TNFAIP2: variants seen among roughly 807,000 people sequenced by gnomAD.
TNFAIP2 encodes TNF alpha induced protein 2.
Under a neutral mutation model 63.5 loss-of-function variants are expected in TNFAIP2, and 47 were observed. The ratio of observed to expected loss-of-function variants is 0.74; its 90% CI spans 0.59 to 0.94. The LOEUF (loss-of-function observed/expected upper bound fraction) is 0.94, where lower values mean the gene tolerates loss of function less well. Ranked by LOEUF, TNFAIP2 falls within the 40% of genes least tolerant of loss-of-function variation. The pLI, the probability that TNFAIP2 is intolerant of heterozygous loss-of-function variation, is 0.00. For synonymous variants in TNFAIP2, 405 were observed against 390.2 expected (o/e 1.04, Z -0.45); for missense variants, 787 against 850.2 (o/e 0.93, Z 0.92).
chr14:103,133,515 C>T lies in TNFAIP2; in HGVS notation c.1699C>T (p.His567Tyr), dbSNP rs745552776. 1 of 1,613,162 alleles carries T rather than the reference C, an allele frequency of 6.2e-7. No individual in the cohort carries two copies. ...CACCATCCAGCACTTCTGCACCCAG[C>T]ACGTAAGCCGCTGCCCACCTCTCCC... ...ADTIQHFCTQ[H>Y]GSPATWLQPA... The change falls in exon 10 of 12, where the codon CAC becomes TAC. Residue 567 changes from histidine to tyrosine, a missense_variant and splice_region_variant. Coordinates refer to ENST00000560869, the MANE Select transcript of TNFAIP2 (RefSeq NM_006291.4).
chr14:103,133,376 C>A lies in TNFAIP2; in HGVS notation c.1560C>A (p.Ala520=). ...TGCCCTCCCAGGAGCTCATGGAGGC[C>A]TTGCACCTGCACCTGGTGAAGGAGT... is the stretch of plus-strand genomic sequence containing the variant. The part of the protein sequence containing the change: ...QGCFREELME[A]LHLHLVKEYI... Residue 520 remains alanine (A), a synonymous_variant, in exon 10 of 12, where the codon GCC becomes GCA. Transcript: ENST00000560869. The A allele has an allele frequency of 6.2e-7, 1 of 1,613,636 alleles. No individual in the cohort carries two copies. The highest frequency in any genetic ancestry group is 8.5e-7 in the Non-Finnish European group (1 of 1,179,972).
chr14:103,131,293 C>A lies in TNFAIP2; in HGVS notation c.1298+143C>A. The A allele has an allele frequency of 1.2e-6, 1 of 822,774 alleles. No individual in the cohort carries two copies. The allele number at this position is 822,774 out of a possible 1,614,324, so 51.0% of individuals were successfully genotyped here. A position where few individuals can be genotyped will look rare whatever the true frequency, so the allele number is the denominator to read the frequency against. Reference sequence around the variant, plus strand: ...ACATGTGTGAGGACTCCACGGCCTGCAGCAGCAGCAGCAAACATTTCCCAA... The same window carrying A: ...ACATGTGTGAGGACTCCACGGCCTGAAGCAGCAGCAGCAAACATTTCCCAA... On this transcript the variant is annotated intron_variant, in intron 7 of 11. Coordinates refer to ENST00000560869, the MANE Select transcript of TNFAIP2 (RefSeq NM_006291.4). This position sits in a 1 kb window ranked among gnomAD's most constrained non-coding sequence, Gnocchi z 4.0.
chr14:103,126,486 T>G lies in TNFAIP2; in HGVS notation c.29T>G (p.Val10Gly). Residue 10 changes from valine to glycine, a missense_variant, in exon 2 of 12, where the codon GTG becomes GGG. Physicochemically the swap from Val to Gly is moderately radical, Grantham distance 109. Coordinates refer to ENST00000560869, the MANE Select transcript of TNFAIP2 (RefSeq NM_006291.4). Reference sequence around the variant, plus strand: ...TCGGAGGCCTCCTCTGAGGACCTGGTGCCACCCCTGGAGGCTGGGGCAGCC... The same window carrying G: ...TCGGAGGCCTCCTCTGAGGACCTGGGGCCACCCCTGGAGGCTGGGGCAGCC... Reference protein sequence around the residue: MSEASSEDLVPPLEAGAAPY... With the variant: MSEASSEDLGPPLEAGAAPY... 6.3e-7 allele frequency: 1 copy of G among 1,597,100 alleles called. No individual in the cohort carries two copies. Among genetic ancestry groups the G allele is most frequent in the South Asian group, 1.1e-5 (1 of 88,626 alleles).
At chr14:103,132,725 A>G (rs767017921) in intron 8 of TNFAIP2, 25 bp from the exon 9 acceptor site, 3 of 1,607,330 alleles carry the variant, frequency 1.9e-6, no homozygotes, top group South Asian at 1.1e-5. Context: ...GGGCGTGACT[A>G]GACATCCTGC....
chr14:103,122,964 C>A (rs370846095), upstream of TNFAIP2: 113 of 370,828 alleles, frequency 3.0e-4, no homozygotes, highest in East Asian at 4.3e-3. Context: ...TAGCCCCCTT[C>A]CCCTTAGGGG....
chr14:103,135,616 A>ACGATAGCTGATCGTGTG lies in TNFAIP2; in HGVS notation c.*258_*274dup. ...AGGCAACACCAAGGACTCTTTGTAA[A>ACGATAGCTGATCGTGTG]CGATAGCTGATCGTGTGCACGCAAG... On this transcript the variant is annotated 3_prime_UTR_variant, in exon 12 of 12. Coordinates refer to ENST00000560869, the MANE Select transcript of TNFAIP2 (RefSeq NM_006291.4). This position sits in a 1 kb window ranked among gnomAD's most constrained non-coding sequence, Gnocchi z 7.6. 1 of 1,370,676 alleles carries ACGATAGCTGATCGTGTG rather than the reference A, an allele frequency of 7.3e-7. No individual in the cohort carries two copies. Among genetic ancestry groups the ACGATAGCTGATCGTGTG allele is most frequent in the Non-Finnish European group, 9.4e-7 (1 of 1,059,412 alleles). The allele number at this position is 1,370,676 out of a possible 1,614,324, so 84.9% of individuals were successfully genotyped here.
intron 6 of TNFAIP2, 97 bp downstream of exon 6, chr14:103,130,512 C>A: frequency 9.0e-7 from 1 of 1,112,496 alleles, no homozygotes; most frequent in Non-Finnish European, 1.3e-6. Flanking sequence ...TGGATCCCCG[C>A]CCTCTACCCC....
upstream of TNFAIP2, chr14:103,122,651 G>A (rs1317080702): frequency 2.2e-6 from 1 of 456,026 alleles, no homozygotes; most frequent in Admixed American, 2.3e-5. Flanking sequence ...TGGAAACGGA[G>A]GCCTGCGCTG....
At chr14:103,130,210 A>G (rs763932640) in intron 5 of TNFAIP2, 86 bp downstream of exon 5, 7 of 1,554,310 alleles carry the variant, frequency 4.5e-6, no homozygotes, top group Non-Finnish European at 6.1e-6. Flanking sequence ...GTGCATACCC[A>G]TGCCCACCTC....
At chr14:103,133,271 T>C (rs2088024356) in intron 9 of TNFAIP2, 91 bp from the exon 10 acceptor site, 3 of 1,490,156 alleles carry the variant, frequency 2.0e-6, no homozygotes, top group Non-Finnish European at 2.7e-6. Context: ...CATCTGCCTC[T>C]CTCTGGAGGC....
intron 9 of TNFAIP2, 80 bp from the exon 10 acceptor site, chr14:103,133,282 C>A: frequency 6.5e-7 from 1 of 1,533,690 alleles, no homozygotes. Context: ...CTCTGGAGGC[C>A]TGGCTACAAG....
upstream of TNFAIP2, chr14:103,123,394 A>C (rs2087786068): frequency 1.3e-5 from 2 of 150,610 alleles, no homozygotes; most frequent in Non-Finnish European, 1.5e-5. Context: ...GGGGCGGGGA[A>C]GGAGGGGCGG....
At chr14:103,124,823 A>G (rs985512010) in intron 1 of TNFAIP2, among the ~76,000 whole-genome samples, 12 of 152,158 alleles carry the variant, frequency 7.9e-5, no homozygotes, top group African/African-American at 2.7e-4. Context: ...AAATGGCACT[A>G]GGGAGGCCAG....
intron 3 of TNFAIP2, among the ~76,000 whole-genome samples, chr14:103,128,665 G>C (rs190910929): frequency 1.3e-5 from 2 of 152,302 alleles, no homozygotes; most frequent in East Asian, 3.9e-4. Context: ...CAGAAGGATA[G>C]AGAAAGGGTC....
At position 103,135,385 on chromosome 14, in the gene TNFAIP2, G is replaced by A; in HGVS notation, c.*25G>A. The stretch of plus-strand genomic sequence containing the variant: ...GCTTTTCCTGTGGCCTGACCTGCCT[G>A]TGAGTGCCCAGCAAGCCTTGGGCAC... On this transcript the variant is annotated 3_prime_UTR_variant, in exon 12 of 12. Transcript: ENST00000560869. This position sits in a 1 kb window ranked among gnomAD's most constrained non-coding sequence, Gnocchi z 7.6. The A allele has an allele frequency of 2.5e-6, 4 of 1,580,458 alleles. No individual in the cohort carries two copies. Among genetic ancestry groups the A allele is most frequent in the Non-Finnish European group, 3.4e-6 (4 of 1,163,722 alleles).
At chr14:103,132,177 C>T (rs922222926) in intron 8 of TNFAIP2, among the ~76,000 whole-genome samples, 1 of 152,160 alleles carries the variant, frequency 6.6e-6, no homozygotes, top group Non-Finnish European at 1.5e-5. Flanking sequence ...CCCATCCCCG[C>T]GCCTGACTCC....
rs1287111235 is a variant in TNFAIP2 at position 103,130,023 on chromosome 14, G to A, written c.997G>A (p.Asp333Asn). The change falls in exon 5 of 12, where the codon GAC becomes AAC. Residue 333 changes from aspartate to asparagine, a missense_variant. Transcript: ENST00000560869. The stretch of plus-strand genomic sequence containing the variant: ...CCAGGCCAATGTGAGGGAGTTGATG[G>A]ACCGAGCTCTGGAGCTAGAGGCACG... ...SEAANVRELM[D>N]RALELEARRW... 1 of 1,612,432 alleles carries A rather than the reference G, an allele frequency of 6.2e-7. No homozygotes were observed.
chr14:103,130,969 A>G, intron 6 of TNFAIP2, 83 bp from the exon 7 acceptor site: 1 of 1,419,022 alleles, frequency 7.0e-7, no homozygotes, highest in Non-Finnish European at 9.9e-7. Flanking sequence ...GAACCCCAGG[A>G]GCTGGCAGGG....
Position 103,135,052 on chromosome 14 carries a change from C to T in TNFAIP2, c.1824-167C>T, listed in dbSNP as rs567990607. Among the ~76,000 whole-genome samples the T allele has an allele frequency of 2.6e-5, 4 of 152,302 alleles. No individual in the cohort carries two copies. The highest frequency in any genetic ancestry group is 9.6e-5 in the African/African-American group (4 of 41,548). On this transcript the variant is annotated intron_variant, in intron 11 of 11. Coordinates refer to ENST00000560869, the MANE Select transcript of TNFAIP2 (RefSeq NM_006291.4). This position sits in a 1 kb window ranked among gnomAD's most constrained non-coding sequence, Gnocchi z 7.6. ...CCTGAAGCAGGCTGGGGCATGGCTG[C>T]TCTTGGGACCATCAGGTGGAGGGCA...
Sources: gnomAD v4.1 joint callset for allele counts (sites outside exome capture counted in the v4.1 genomes callset) on GRCh38, gnomAD v4.1.1 for gene constraint, Gnocchi (gnomAD v3.1) non-coding constraint, MANE v1.5 for transcripts, NCBI Gene and HGNC (gene_info 2026-07-23, HGNC 2026-07-21) for gene names.